The following MPPED2 variants were observed in gnomAD, a reference collection of about 807,000 sequenced individuals.
MPPED2 encodes metallophosphoesterase MPPED2.
In MPPED2, 5 loss-of-function variants were observed where a neutral mutation model predicts 33.0. The ratio of observed to expected loss-of-function variants is 0.15; its 90% CI spans 0.08 to 0.32. The LOEUF (loss-of-function observed/expected upper bound fraction) is 0.32. Among genes scored for constraint, MPPED2 ranks in the 10% least tolerant of loss-of-function variants. MPPED2 has a pLI of 1.00. For synonymous variants in MPPED2, 136 were observed against 141.9 expected, an observed-to-expected ratio of 0.96 and a Z score of 0.29; for missense variants, 275 against 372.1, an observed-to-expected ratio of 0.74 and a Z score of 2.15.
intron 4 of MPPED2, among the ~76,000 whole-genome samples, chr11:30,459,324 C>G (rs1000550230): frequency 1.3e-5 from 2 of 152,140 alleles, no homozygotes; most frequent in African/African-American, 4.8e-5. Flanking sequence ...TTAGCACATT[C>G]ATAAAGAAAT....
In MPPED2 at chr11:30,431,962, G is replaced by A. The variant is rs146711096; in HGVS notation, c.537-14329C>T. 1.0e-2 allele frequency among the ~76,000 whole-genome samples: 1,518 copies of A among 152,160 alleles called. 36 individuals carry two copies. Among genetic ancestry groups the A allele is most frequent in the African/African-American group, 0.033 (1,351 of 41,504 alleles). On this transcript the variant is annotated intron_variant, in intron 4 of 6. Coordinates refer to ENST00000358117, the MANE Select transcript of MPPED2 (RefSeq NM_001584.3). ...GGCCAAGGTGGGTGGATCACCTGAG[G>A]TCAGGAGTTTAAGACCAGTCCGGCC...
intron 2 of MPPED2, among the ~76,000 whole-genome samples, chr11:30,543,148 G>A (rs1329977352): frequency 6.6e-6 from 1 of 152,106 alleles, no homozygotes; most frequent in South Asian, 2.1e-4. Flanking sequence ...TACAGGGAGT[G>A]AACAATACAG....
chr11:30,585,568 G>T (rs1169657263), intron 1 of MPPED2, among the ~76,000 whole-genome samples: 1 of 152,006 alleles, frequency 6.6e-6, no homozygotes, highest in Non-Finnish European at 1.5e-5. Flanking sequence ...TAAACAGCTC[G>T]CTGAGCCCTC....
chr11:30,563,913 G>C (rs1372700938), intron 2 of MPPED2, among the ~76,000 whole-genome samples: 3 of 152,146 alleles, frequency 2.0e-5, no homozygotes, highest in African/African-American at 7.2e-5. Flanking sequence ...GGTAACTTGT[G>C]CTGGGAAATT....
chr11:30,497,500 AC>A (rs1952326931), intron 3 of MPPED2, among the ~76,000 whole-genome samples: 1 of 152,188 alleles, frequency 6.6e-6, no homozygotes, highest in Admixed American at 6.5e-5. Context: ...TACAAGTCAC[AC>A]TGTAGTTGCC....
intron 4 of MPPED2, among the ~76,000 whole-genome samples, chr11:30,459,466 T>C (rs185970422): frequency 8.2e-4 from 125 of 152,302 alleles, no homozygotes; most frequent in African/African-American, 2.8e-3. Flanking sequence ...AAACCTAAAC[T>C]ATGGCTTTTG....
intron 4 of MPPED2, among the ~76,000 whole-genome samples, chr11:30,483,366 A>G (rs1222259441): frequency 6.6e-6 from 1 of 152,208 alleles, no homozygotes; most frequent in Non-Finnish European, 1.5e-5. Flanking sequence ...CTCATTCTCA[A>G]GTGCTTTCTT....
At chr11:30,447,828 TA>T (rs1449567410) in intron 4 of MPPED2, among the ~76,000 whole-genome samples, 1 of 152,138 alleles carries the variant, frequency 6.6e-6, no homozygotes, top group Non-Finnish European at 1.5e-5. Context: ...GTCCCTGCCC[TA>T]GGTGCTGGAG....
chr11:30,407,021 T>C (rs1013769648), downstream of MPPED2, among the ~76,000 whole-genome samples: 2 of 152,220 alleles, frequency 1.3e-5, no homozygotes, highest in Admixed American at 1.3e-4. Context: ...GGCATTATTC[T>C]GAGACACAGC....
At chr11:30,427,264 T>A (rs931988916) in intron 4 of MPPED2, among the ~76,000 whole-genome samples, 8 of 152,334 alleles carry the variant, frequency 5.3e-5, no homozygotes, top group African/African-American at 1.4e-4. Flanking sequence ...ACTGATGAAA[T>A]CTCTGCCCCC....
At chr11:30,562,739 C>G (rs1216268839) in intron 2 of MPPED2, among the ~76,000 whole-genome samples, 1 of 152,160 alleles carries the variant, frequency 6.6e-6, no homozygotes, top group Non-Finnish European at 1.5e-5. Flanking sequence ...CTCAACCTCT[C>G]TGGGCTGCCA....
chr11:30,550,085 C>A (rs568458244), intron 2 of MPPED2, among the ~76,000 whole-genome samples: 1 of 152,256 alleles, frequency 6.6e-6, no homozygotes, highest in East Asian at 1.9e-4. Flanking sequence ...TGGGCAATGC[C>A]CCCCAATGTC....
intron 3 of MPPED2, among the ~76,000 whole-genome samples, chr11:30,527,985 C>T (rs1463298391): frequency 6.6e-6 from 1 of 152,238 alleles, no homozygotes; most frequent in Non-Finnish European, 1.5e-5. Flanking sequence ...TCTTTAGAGG[C>T]TGGATACACT....
intron 6 of MPPED2, among the ~76,000 whole-genome samples, chr11:30,413,329 GAA>G (rs1948196843): frequency 6.6e-6 from 1 of 152,254 alleles, no homozygotes; most frequent in Non-Finnish European, 1.5e-5. Context: ...GAGCTAGAGA[GAA>G]TATAGCGGCT....
chr11:30,468,702 C>A (rs1185144853), intron 4 of MPPED2, among the ~76,000 whole-genome samples: 1 of 152,144 alleles, frequency 6.6e-6, no homozygotes, highest in African/African-American at 2.4e-5. Context: ...GTAACACAAT[C>A]ACACCAGGAA....
chr11:30,573,919 A>T (rs1289053712), intron 2 of MPPED2, among the ~76,000 whole-genome samples: 1 of 152,220 alleles, frequency 6.6e-6, no homozygotes, highest in Non-Finnish European at 1.5e-5. Flanking sequence ...GAATATAAAG[A>T]AAGAAAACAT....
chr11:30,551,509 A>G (rs1371839612), intron 2 of MPPED2, among the ~76,000 whole-genome samples: 1 of 152,214 alleles, frequency 6.6e-6, no homozygotes, highest in East Asian at 1.9e-4. Context: ...ATTCCTTTTA[A>G]AATATCTAAT....
intron 2 of MPPED2, among the ~76,000 whole-genome samples, chr11:30,555,710 T>C (rs58335056): frequency 0.16 from 24,327 of 152,224 alleles, 2,902 homozygotes; most frequent in African/African-American, 0.34. Context: ...CCTTCCCAGC[T>C]GTGTGGAACT....
At chr11:30,529,393 G>A (rs1344301133) in intron 3 of MPPED2, among the ~76,000 whole-genome samples, 1 of 152,140 alleles carries the variant, frequency 6.6e-6, no homozygotes, top group Non-Finnish European at 1.5e-5. Context: ...TACAATGAAA[G>A]TATTCTTCTT....
Sources: allele counts gnomAD v4.1 joint callset (sites outside exome capture counted in the v4.1 genomes callset), GRCh38; gene constraint gnomAD v4.1.1; transcripts MANE v1.5; gene names NCBI Gene and HGNC (gene_info 2026-07-23, HGNC 2026-07-21).